The following EPHA6 variants were observed in gnomAD, a reference collection of about 807,000 sequenced individuals.
EPHA6 encodes the protein EPH receptor A6.
A neutral mutation model predicts 112.0 loss-of-function variants in EPHA6; 50 were observed. The ratio of observed to expected loss-of-function variants is 0.45; its 90% CI spans 0.36 to 0.56. The LOEUF (loss-of-function observed/expected upper bound fraction) is 0.56. Among genes scored for constraint, EPHA6 ranks in the 20% least tolerant of loss-of-function variants. The probability of loss-of-function intolerance (pLI) is 0.00; values close to 1 mark genes in which losing one functional copy is unlikely to be tolerated. For missense variants in EPHA6, 1,280 were observed against 1,417.4 expected (o/e 0.90, Z 1.56); for synonymous variants, 529 against 490.7 (o/e 1.08, Z -1.03).
intron 5 of EPHA6, among the ~76,000 whole-genome samples, chr3:97,281,320 C>T (rs1418479343): frequency 6.6e-6 from 1 of 152,000 alleles, no homozygotes; most frequent in Non-Finnish European, 1.5e-5. Flanking sequence ...TAATTTATAA[C>T]TTCTTTGGGG....
chr3:97,134,132 A>G (rs2075710500), intron 3 of EPHA6, among the ~76,000 whole-genome samples: 1 of 152,088 alleles, frequency 6.6e-6, no homozygotes. Context: ...TTTGATGTAA[A>G]GTTTATATTT....
At chr3:97,553,647 C>T (rs969928091) in intron 11 of EPHA6, among the ~76,000 whole-genome samples, 7 of 152,094 alleles carry the variant, frequency 4.6e-5, no homozygotes, top group Non-Finnish European at 1.0e-4. Context: ...GTGATCCAAT[C>T]ACCTCCCATC....
At chr3:96,972,448 C>T (rs1038265567) in intron 2 of EPHA6, among the ~76,000 whole-genome samples, 5 of 150,212 alleles carry the variant, frequency 3.3e-5, no homozygotes, top group Non-Finnish European at 7.5e-5. Flanking sequence ...CACACACACA[C>T]ACACACACAC....
At chr3:97,477,645 A>G (rs1299633574) in intron 8 of EPHA6, among the ~76,000 whole-genome samples, 2 of 152,212 alleles carry the variant, frequency 1.3e-5, no homozygotes, top group Non-Finnish European at 2.9e-5. Context: ...CTACTTTAGC[A>G]TTGCTACGTG....
intron 2 of EPHA6, among the ~76,000 whole-genome samples, chr3:96,942,626 C>T (rs1015009019): frequency 7.9e-5 from 12 of 152,180 alleles, no homozygotes; most frequent in African/African-American, 1.7e-4. Flanking sequence ...CACTGTCCTG[C>T]GCCCACTGTC....
intron 14 of EPHA6, among the ~76,000 whole-genome samples, chr3:97,698,557 A>G (rs2033182353): frequency 6.6e-6 from 1 of 152,192 alleles, no homozygotes; most frequent in Admixed American, 6.5e-5. Context: ...ATTTCAGGAT[A>G]ACACAATAGA....
chr3:97,618,918 C>T (rs2093789225), intron 13 of EPHA6, among the ~76,000 whole-genome samples: 1 of 152,064 alleles, frequency 6.6e-6, no homozygotes, highest in Non-Finnish European at 1.5e-5. Flanking sequence ...TTCTATGAGG[C>T]CAGCATCTTC....
chr3:97,391,135 T>C (rs1474348913), intron 5 of EPHA6, among the ~76,000 whole-genome samples: 1 of 151,972 alleles, frequency 6.6e-6, no homozygotes. Flanking sequence ...TTTTTTTTAC[T>C]TTTTTACATT....
At chr3:97,417,130 T>TATAA (rs2107165048) in intron 6 of EPHA6, among the ~76,000 whole-genome samples, 1 of 152,298 alleles carries the variant, frequency 6.6e-6, no homozygotes, top group African/African-American at 2.4e-5. Flanking sequence ...TTAAAACAAT[T>TATAA]ATACTCCTGA....
At chr3:97,536,736 G>A (rs2092769545) in intron 11 of EPHA6, among the ~76,000 whole-genome samples, 1 of 152,066 alleles carries the variant, frequency 6.6e-6, no homozygotes, top group Admixed American at 6.6e-5. Flanking sequence ...TGCTTGTTAA[G>A]TAATAGGCAT....
chr3:97,057,284 G>T (rs1301194176), intron 3 of EPHA6, among the ~76,000 whole-genome samples: 1 of 152,198 alleles, frequency 6.6e-6, no homozygotes, highest in Admixed American at 6.5e-5. Flanking sequence ...AAATGGAGGA[G>T]ATATTAGGAA....
intron 5 of EPHA6, among the ~76,000 whole-genome samples, chr3:97,258,240 G>GTATATA (rs563790734): frequency 2.0e-5 from 3 of 148,260 alleles, no homozygotes; most frequent in Admixed American, 6.7e-5. Context: ...TTGTGTATGA[G>GTATATA]TATATATATA....
chr3:97,543,264 T>G (rs1373309545), intron 11 of EPHA6, among the ~76,000 whole-genome samples: 4 of 152,200 alleles, frequency 2.6e-5, no homozygotes, highest in Non-Finnish European at 4.4e-5. Flanking sequence ...CTTGAATTGA[T>G]TTTTGTATAA....
intron 5 of EPHA6, among the ~76,000 whole-genome samples, chr3:97,320,967 C>T (rs2082091996): frequency 2.6e-5 from 4 of 151,838 alleles, no homozygotes; most frequent in Admixed American, 6.6e-5. Context: ...ACATGGGTGG[C>T]CTGTCACAAA....
At chr3:96,882,097 G>GGA (rs2037347561) in intron 2 of EPHA6, among the ~76,000 whole-genome samples, 1 of 152,168 alleles carries the variant, frequency 6.6e-6, no homozygotes, top group Admixed American at 6.5e-5. Flanking sequence ...TCTGGAATCT[G>GGA]GAGGATGGTG....
chr3:97,265,807 G>A (rs577722146), intron 5 of EPHA6, among the ~76,000 whole-genome samples: 1 of 152,220 alleles, frequency 6.6e-6, no homozygotes, highest in Non-Finnish European at 1.5e-5. Flanking sequence ...TGCAGCCGGC[G>A]CAATGGCAGC....
intron 10 of EPHA6, among the ~76,000 whole-genome samples, chr3:97,511,275 C>A (rs1190195994): frequency 6.6e-6 from 1 of 152,034 alleles, no homozygotes. Context: ...AGACAGCTGC[C>A]CAGTTTTGTG....
Position 97,543,670 on chromosome 3 carries a change from A to G in EPHA6, c.2386+11127A>G, listed in dbSNP as rs561240023. 9.2e-5 allele frequency among the ~76,000 whole-genome samples: 14 copies of G among 152,140 alleles called. No homozygotes were observed. The Middle Eastern group carries it at 0.01, about 111-fold the overall frequency. The stretch of plus-strand genomic sequence containing the variant: ...GCTTGATGGGGATGGCATTGAATCT[A>G]TAAATTACCTTGGGCAGTATGGCCA... On this transcript the variant is annotated intron_variant, in intron 11 of 17. Transcript: ENST00000389672.
intron 3 of EPHA6, among the ~76,000 whole-genome samples, chr3:97,101,613 G>A (rs555131109): frequency 1.4e-4 from 21 of 151,886 alleles, no homozygotes; most frequent in Non-Finnish European, 2.8e-4. Flanking sequence ...TCCAATGTCA[G>A]GGATACACCT....
Sources: gnomAD v4.1 joint callset for allele counts (sites outside exome capture counted in the v4.1 genomes callset) on GRCh38, gnomAD v4.1.1 for gene constraint, MANE v1.5 for transcripts, NCBI Gene and HGNC (gene_info 2026-07-23, HGNC 2026-07-21) for gene names.